The following FBLIM1 variants were observed in gnomAD, a reference collection of about 807,000 sequenced individuals.
FBLIM1 encodes the protein filamin binding LIM protein 1.
Under a neutral mutation model 37.4 loss-of-function variants are expected in FBLIM1, and 29 were observed. The observed-to-expected ratio is 0.77, with a 90% confidence interval of 0.58 to 1.06. FBLIM1 has a LOEUF of 1.06. Ranked by LOEUF, FBLIM1 falls within the 50% of genes least tolerant of loss-of-function variation. The pLI is 0.00. For missense variants in FBLIM1, 449 were observed against 505.6 expected (o/e 0.89, Z 1.07); for synonymous variants, 193 against 199.0 (o/e 0.97, Z 0.25).
At chr1:15,779,292 T>C (rs2069576307) in intron 8 of FBLIM1, among the ~76,000 whole-genome samples, 1 of 151,806 alleles carries the variant, frequency 6.6e-6, no homozygotes, top group Admixed American at 6.6e-5. Flanking sequence ...TTTTAAATTG[T>C]TTTTATTAAA....
chr1:15,757,434 C>T (rs1002812415), upstream of FBLIM1, among the ~76,000 whole-genome samples: 4 of 152,156 alleles, frequency 2.6e-5, no homozygotes, highest in Non-Finnish European at 5.9e-5. The surrounding 1 kb of genome is among the most constrained non-coding windows in gnomAD (Gnocchi z 4.1). Context: ...GGATGGGTAC[C>T]AGCACCTAGA....
chr1:15,766,206 C>T (rs1244388355), intron 3 of FBLIM1, among the ~76,000 whole-genome samples: 1 of 152,120 alleles, frequency 6.6e-6, no homozygotes, highest in Non-Finnish European at 1.5e-5. Context: ...CTCCCTGGCT[C>T]AAGCAATCCT....
chr1:15,779,083 G>A (rs368179461), intron 8 of FBLIM1, among the ~76,000 whole-genome samples: 4 of 151,116 alleles, frequency 2.6e-5, no homozygotes, highest in South Asian at 2.1e-4. Flanking sequence ...TTACAGGTGC[G>A]TGCCACCACG....
At chr1:15,783,569 C>CTTTTTTTT (rs58141962) in intron 8 of FBLIM1, among the ~76,000 whole-genome samples, 16 of 81,270 alleles carry the variant, frequency 2.0e-4, no homozygotes, top group African/African-American at 2.4e-4. Context: ...AACTTACGTT[C>CTTTTTTTT]TTTTTTTTTT....
Position 15,784,708 on chromosome 1 carries a change from C to T in FBLIM1, c.*47C>T. 1 of 1,545,128 alleles carries T rather than the reference C, an allele frequency of 6.5e-7. No individual in the cohort carries two copies. Among genetic ancestry groups the T allele is most frequent in the Non-Finnish European group, 8.9e-7 (1 of 1,122,192 alleles). On this transcript the variant is annotated 3_prime_UTR_variant, in exon 9 of 9. Coordinates refer to ENST00000375766, the MANE Select transcript of FBLIM1 (RefSeq NM_017556.4). ...CAGACCACTAGCCCCGGCTGGGGCC[C>T]TTCCCTGACTTGGTTTCCCTTCCTA...
chr1:15,786,437 T>A lies in FBLIM1; in HGVS notation c.*1776T>A, dbSNP rs1449607541. 1 of 152,302 alleles carries A rather than the reference T, an allele frequency of 6.6e-6. No individual in the cohort carries two copies. Among genetic ancestry groups the A allele is most frequent in the Non-Finnish European group, 1.5e-5 (1 of 68,066 alleles). The allele number at this position is 152,302 out of a possible 1,614,324, so 9.4% of individuals were successfully genotyped here. ...ATTGTTATAACCAAAGGCCTCCTGT[T>A]CTGTTATTTCACTTAAATCAACATG... On this transcript the variant is annotated 3_prime_UTR_variant, in exon 9 of 9. Coordinates refer to ENST00000375766, the MANE Select transcript of FBLIM1 (RefSeq NM_017556.4).
Position 15,758,843 on chromosome 1 carries a change from G to C in FBLIM1, c.-216G>C, listed in dbSNP as rs2068521157. 1.6e-5 allele frequency: 2 copies of C among 128,004 alleles called. No individual in the cohort carries two copies. Among genetic ancestry groups the C allele is most frequent in the Non-Finnish European group, 1.6e-5 (1 of 61,158 alleles). 7.9% of individuals were successfully genotyped at this position (128,004 alleles called of 1,614,324 possible). A position where few individuals can be genotyped will look rare whatever the true frequency, so the allele number is the denominator to read the frequency against. ...GATCGGAGCCGCCGGGGCGCGGGCGGCCCAGGTAAGCGGGCCGGGTGGGTG... is the reference window on the plus strand; with the variant it reads ...GATCGGAGCCGCCGGGGCGCGGGCGCCCCAGGTAAGCGGGCCGGGTGGGTG... On this transcript the variant is annotated 5_prime_UTR_variant, in exon 1 of 9. Transcript: ENST00000375766. This position sits in a 1 kb window ranked among gnomAD's most constrained non-coding sequence, Gnocchi z 6.2.
At chr1:15,781,271 T>C (rs1243828890) in intron 8 of FBLIM1, among the ~76,000 whole-genome samples, 4 of 151,990 alleles carry the variant, frequency 2.6e-5, no homozygotes, top group African/African-American at 9.7e-5. Flanking sequence ...GTCAGGGGAA[T>C]TTCTTGAATC....
intron 1 of FBLIM1, among the ~76,000 whole-genome samples, chr1:15,763,607 G>A (rs186251684): frequency 2.0e-5 from 3 of 151,480 alleles, no homozygotes; most frequent in Non-Finnish European, 4.4e-5. Flanking sequence ...CTGCACTCCG[G>A]CCTGGGCAAC....
intron 8 of FBLIM1, among the ~76,000 whole-genome samples, chr1:15,782,044 A>G (rs2069657729): frequency 6.6e-6 from 1 of 151,680 alleles, no homozygotes; most frequent in Admixed American, 6.6e-5. Flanking sequence ...TAATTTATAA[A>G]ATGCTTTCAT....
At chr1:15,771,875 G>A (rs1032305744) in intron 6 of FBLIM1, among the ~76,000 whole-genome samples, 1 of 151,146 alleles carries the variant, frequency 6.6e-6, no homozygotes, top group Admixed American at 6.7e-5. Context: ...CACCCATCTG[G>A]CTCTGGAGCC....
At chr1:15,763,627 T>C (rs2068783668) in intron 1 of FBLIM1, among the ~76,000 whole-genome samples, 2 of 151,152 alleles carry the variant, frequency 1.3e-5, no homozygotes. Flanking sequence ...CAGAGCAAGA[T>C]TCCGTCTCAA....
chr1:15,761,331 A>T (rs1033842302), intron 1 of FBLIM1, among the ~76,000 whole-genome samples: 2 of 152,134 alleles, frequency 1.3e-5, no homozygotes, highest in African/African-American at 4.8e-5. Context: ...TAGAATTCCG[A>T]GTGCCATGGA....
At chr1:15,783,669 G>A (rs996702000) in intron 8 of FBLIM1, among the ~76,000 whole-genome samples, 1 of 140,560 alleles carries the variant, frequency 7.1e-6, no homozygotes, top group African/African-American at 2.6e-5. Context: ...TCTGCCTCCC[G>A]GGTTCACGCC....
Position 15,764,705 on chromosome 1 carries a change from C to G in FBLIM1, c.-21+20C>G. On this transcript the variant is annotated intron_variant, in intron 2 of 8. Transcript: ENST00000375766. ...TCATTGGTGAGGGCTGCCCTTTGCT[C>G]CCCTAGGTGTGCAGGTTCGGGGGAG... The G allele has an allele frequency of 2.0e-6, 1 of 502,628 alleles. No homozygotes were observed. Among genetic ancestry groups the G allele is most frequent in the Non-Finnish European group, 3.5e-6 (1 of 283,688 alleles). 31.1% of individuals were successfully genotyped at this position (502,628 alleles called of 1,614,324 possible). A position where few individuals can be genotyped will look rare whatever the true frequency, so the allele number is the denominator to read the frequency against.
chr1:15,771,043 G>T (rs2069178746), intron 6 of FBLIM1, among the ~76,000 whole-genome samples: 1 of 152,024 alleles, frequency 6.6e-6, no homozygotes, highest in Admixed American at 6.6e-5. Flanking sequence ...AGGTTCAAGG[G>T]ATTCTCCTGC....
At chr1:15,763,708 T>C (rs1332335608) in intron 1 of FBLIM1, among the ~76,000 whole-genome samples, 1 of 151,670 alleles carries the variant, frequency 6.6e-6, no homozygotes, top group Non-Finnish European at 1.5e-5. Context: ...GGTGCAATCT[T>C]GGCTCACCAC....
At chr1:15,778,734 G>C (rs1288697569) in intron 8 of FBLIM1, among the ~76,000 whole-genome samples, 1 of 151,926 alleles carries the variant, frequency 6.6e-6, no homozygotes, top group African/African-American at 2.4e-5. Flanking sequence ...TCCACCTCCC[G>C]AGTTCAAGCG....
At chr1:15,775,796 C>T (rs1230540012) in intron 7 of FBLIM1, among the ~76,000 whole-genome samples, 6 of 152,040 alleles carry the variant, frequency 3.9e-5, no homozygotes, top group African/African-American at 1.4e-4. Context: ...ATGGTGGAAG[C>T]TAATAAACTG....
Sources: gnomAD v4.1 joint callset for allele counts (sites outside exome capture counted in the v4.1 genomes callset) on GRCh38, gnomAD v4.1.1 for gene constraint, Gnocchi (gnomAD v3.1) non-coding constraint, MANE v1.5 for transcripts, NCBI Gene and HGNC (gene_info 2026-07-23, HGNC 2026-07-21) for gene names.